NXPE2: variants seen among roughly 807,000 people sequenced by gnomAD.
NXPE2 encodes neurexophilin and PC-esterase domain family member 2, also known as NXPE family member 2.
Under a neutral mutation model 34.4 loss-of-function variants are expected in NXPE2, and 34 were observed. That is an observed-to-expected ratio of 0.99 (90% CI 0.75 to 1.31). NXPE2 has a LOEUF of 1.31. NXPE2 is among the 40% of genes most tolerant of loss of function. NXPE2 has a pLI of 0.00. For synonymous variants in NXPE2, 235 were observed against 231.3 expected, an observed-to-expected ratio of 1.02 and a Z score of -0.15; for missense variants, 649 against 672.5, an observed-to-expected ratio of 0.97 and a Z score of 0.39.
At chr11:114,490,224 A>G in the NXPE2 span, among the ~76,000 whole-genome samples, 1 of 152,242 alleles carries the variant, frequency 6.6e-6, no homozygotes. Context: ...ATCAAATGGA[A>G]GAACATTCCA....
chr11:114,672,541 T>A, the NXPE2 span, among the ~76,000 whole-genome samples: 1 of 151,988 alleles, frequency 6.6e-6, no homozygotes, highest in Non-Finnish European at 1.5e-5. Context: ...GACTGGTTAA[T>A]GGGACAAGAT....
the NXPE2 span, among the ~76,000 whole-genome samples, chr11:114,713,484 T>C: frequency 3.3e-5 from 5 of 152,198 alleles, no homozygotes; most frequent in Non-Finnish European, 5.9e-5. Flanking sequence ...AGATGAAAAT[T>C]CACTCATGCT....
the NXPE2 span, among the ~76,000 whole-genome samples, chr11:114,806,537 T>C: frequency 6.6e-6 from 1 of 152,146 alleles, no homozygotes; most frequent in Non-Finnish European, 1.5e-5. Flanking sequence ...GCACGAGAGC[T>C]ACATGACGAA....
At chr11:114,604,056 C>T in the NXPE2 span, among the ~76,000 whole-genome samples, 641 of 151,934 alleles carry the variant, frequency 4.2e-3, 5 homozygotes, top group South Asian at 5.4e-3. Flanking sequence ...GTAACTACTG[C>T]TACCTGGTGG....
the NXPE2 span, among the ~76,000 whole-genome samples, chr11:114,776,332 A>T: frequency 2.6e-5 from 4 of 152,216 alleles, no homozygotes; most frequent in Non-Finnish European, 5.9e-5. Flanking sequence ...TCCACCTGCC[A>T]AGCCTGTTTC....
At chr11:114,640,848 A>G in the NXPE2 span, among the ~76,000 whole-genome samples, 1 of 151,942 alleles carries the variant, frequency 6.6e-6, no homozygotes, top group Non-Finnish European at 1.5e-5. Context: ...TAGATTCTGG[A>G]TATTAGTCAT....
Position 114,705,810 on chromosome 11 carries a change from A to T in NXPE2, c.958A>T (p.Ile320Phe). 6.6e-7 allele frequency: 1 copy of T among 1,510,968 alleles called. No individual in the cohort carries two copies. The highest frequency in any genetic ancestry group is 2.6e-5 in the East Asian group (1 of 38,006). The allele number at this position is 1,510,968 out of a possible 1,614,324, so 93.6% of individuals were successfully genotyped here. ...KSENIKKNCQ[I>F]GMKTPFPSGY... ...CGAGAACATAAAAAAGAACTGCCAG[A>T]TTGGAATGAAGACTCCTTTCCCCAG... Residue 320 changes from isoleucine to phenylalanine, a missense_variant, in exon 5 of 6, where the codon ATT becomes TTT. Ile to Phe is a conservative substitution (Grantham distance 21). Coordinates refer to ENST00000389586, the MANE Select transcript of NXPE2 (RefSeq NM_182495.6).
At chr11:114,582,667 C>A in the NXPE2 span, 2,648 of 1,614,186 alleles carry the variant, frequency 1.6e-3, 3 homozygotes, top group Non-Finnish European at 2.1e-3. Context: ...TTTCCTGAAG[C>A]ACCTGCCATC....
chr11:114,625,705 C>G, the NXPE2 span, among the ~76,000 whole-genome samples: 1 of 152,160 alleles, frequency 6.6e-6, no homozygotes, highest in Non-Finnish European at 1.5e-5. Context: ...CCCCGGTCTA[C>G]AGCTCCCAGC....
the NXPE2 span, among the ~76,000 whole-genome samples, chr11:114,665,702 T>C: frequency 3.9e-5 from 6 of 152,100 alleles, no homozygotes; most frequent in Non-Finnish European, 8.8e-5. Flanking sequence ...AGAAAGACAG[T>C]GCATAGGTGG....
At chr11:114,729,848 T>C in the NXPE2 span, among the ~76,000 whole-genome samples, 9 of 152,336 alleles carry the variant, frequency 5.9e-5, no homozygotes, top group East Asian at 1.5e-3. Context: ...TACCATTCTG[T>C]AGGTTATCTG....
the NXPE2 span, among the ~76,000 whole-genome samples, chr11:114,580,643 C>A: frequency 1.3e-5 from 2 of 152,148 alleles, no homozygotes; most frequent in Non-Finnish European, 2.9e-5. Flanking sequence ...AAACTAAAGT[C>A]ATCAATTCTT....
At chr11:114,768,663 C>G in the NXPE2 span, among the ~76,000 whole-genome samples, 1 of 152,232 alleles carries the variant, frequency 6.6e-6, no homozygotes, top group South Asian at 2.1e-4. Flanking sequence ...ATTTTATTCT[C>G]TTTGTAGCAA....
the NXPE2 span, among the ~76,000 whole-genome samples, chr11:114,593,581 G>T: frequency 1.2e-4 from 19 of 152,106 alleles, no homozygotes; most frequent in Non-Finnish European, 2.8e-4. Flanking sequence ...TGGTGGGAAT[G>T]TAATTAGTAC....
chr11:114,613,833 C>T, the NXPE2 span, among the ~76,000 whole-genome samples: 6 of 151,646 alleles, frequency 4.0e-5, no homozygotes, highest in African/African-American at 1.5e-4. Flanking sequence ...ACCACTGTTA[C>T]CCTGTGGATA....
chr11:114,613,873 T>C, the NXPE2 span, among the ~76,000 whole-genome samples: 2 of 151,988 alleles, frequency 1.3e-5, no homozygotes, highest in Non-Finnish European at 2.9e-5. Context: ...TAACCACTTT[T>C]GCCCTGTGGA....
the NXPE2 span, among the ~76,000 whole-genome samples, chr11:114,737,568 A>T: frequency 5.9e-5 from 9 of 152,288 alleles, no homozygotes; most frequent in East Asian, 1.7e-3. Flanking sequence ...TTCCTGCCAA[A>T]CAATTCTAGA....
At chr11:114,737,944 G>C in the NXPE2 span, among the ~76,000 whole-genome samples, 1 of 152,090 alleles carries the variant, frequency 6.6e-6, no homozygotes, top group Non-Finnish European at 1.5e-5. Context: ...AAAATTTGCC[G>C]GGCGTGGTGG....
the NXPE2 span, among the ~76,000 whole-genome samples, chr11:114,556,577 A>G: frequency 4.6e-5 from 7 of 152,024 alleles, no homozygotes; most frequent in African/African-American, 1.4e-4. Flanking sequence ...TATTGTCAGG[A>G]TAAGAGCCCT....
Sources: allele counts gnomAD v4.1 joint callset (sites outside exome capture counted in the v4.1 genomes callset), GRCh38; gene constraint gnomAD v4.1.1; transcripts MANE v1.5; gene names NCBI Gene and HGNC (gene_info 2026-07-23, HGNC 2026-07-21).